GPR158: variants seen among roughly 807,000 people sequenced by gnomAD.
GPR158 encodes G protein-coupled receptor 158.
GPR158 carries 30 observed loss-of-function variants against 78.2 expected under a neutral mutation model. The ratio of observed to expected loss-of-function variants is 0.38; its 90% CI spans 0.29 to 0.52. GPR158 has a LOEUF of 0.52. Among genes scored for constraint, GPR158 ranks in the 20% least tolerant of loss-of-function variants. The pLI is 0.83. For synonymous variants in GPR158, 581 were observed against 591.1 expected (o/e 0.98, Z 0.25); for missense variants, 1,463 against 1,523.5 (o/e 0.96, Z 0.66).
At position 25,599,363 on chromosome 10, in the gene GPR158, G is replaced by A; in HGVS notation, c.*89G>A. On this transcript the variant is annotated 3_prime_UTR_variant, in exon 11 of 11. Transcript: ENST00000376351. ...AATCAAATATTCCCAAGGAGGATTTGTCAATCAAGGAAAACATGACAGATG... is the reference window on the plus strand; with the variant it reads ...AATCAAATATTCCCAAGGAGGATTTATCAATCAAGGAAAACATGACAGATG... 1 of 1,035,678 alleles carries A rather than the reference G, an allele frequency of 9.7e-7. No individual in the cohort carries two copies. The highest frequency in any genetic ancestry group is 1.4e-6 in the Non-Finnish European group (1 of 714,628). 64.2% of individuals were successfully genotyped at this position (1,035,678 alleles called of 1,614,324 possible).
intron 5 of GPR158, among the ~76,000 whole-genome samples, chr10:25,522,990 C>G (rs1564479076): frequency 6.6e-6 from 1 of 152,106 alleles, no homozygotes; most frequent in Non-Finnish European, 1.5e-5. Context: ...AAGAGCTGAG[C>G]TGAACTGGAG....
At chr10:25,239,518 G>T (rs1279306977) in intron 2 of GPR158, among the ~76,000 whole-genome samples, 1 of 151,602 alleles carries the variant, frequency 6.6e-6, no homozygotes, top group African/African-American at 2.4e-5. Context: ...TGAGGCAGGA[G>T]AGTCACTTAA....
intron 6 of GPR158, among the ~76,000 whole-genome samples, chr10:25,565,329 TGG>T (rs1836915396): frequency 3.3e-5 from 5 of 152,204 alleles, no homozygotes; most frequent in Non-Finnish European, 5.9e-5. Flanking sequence ...TTTTGTGGCC[TGG>T]GACTATCAGA....
chr10:25,433,590 C>T (rs909965854), intron 4 of GPR158, among the ~76,000 whole-genome samples: 41 of 147,876 alleles, frequency 2.8e-4, no homozygotes, highest in Admixed American at 2.4e-3. Flanking sequence ...CGTGCGCGTG[C>T]GCATATATGA....
At chr10:25,486,734 G>A (rs532538308) in intron 5 of GPR158, among the ~76,000 whole-genome samples, 29 of 152,092 alleles carry the variant, frequency 1.9e-4, no homozygotes, top group African/African-American at 5.3e-4. Context: ...ACCATTTGCC[G>A]TAGCTTTTCA....
intron 1 of GPR158, among the ~76,000 whole-genome samples, chr10:25,208,979 G>A (rs138933373): frequency 0.013 from 2,043 of 151,664 alleles, 47 homozygotes; most frequent in African/African-American, 0.047. Flanking sequence ...CTCCCAAGAA[G>A]CTGGGACTAC....
chr10:25,406,675 C>T (rs1436875808), intron 3 of GPR158, among the ~76,000 whole-genome samples: 3 of 152,142 alleles, frequency 2.0e-5, no homozygotes, highest in African/African-American at 2.4e-5. Context: ...TGAGTTACAA[C>T]AATTTAATTA....
chr10:25,303,577 C>T (rs1291264326), intron 2 of GPR158, among the ~76,000 whole-genome samples: 1 of 152,090 alleles, frequency 6.6e-6, no homozygotes, highest in Non-Finnish European at 1.5e-5. Flanking sequence ...TGGCGCAAAC[C>T]GTTAATAAGT....
At chr10:25,357,367 A>G (rs1255847904) in intron 2 of GPR158, among the ~76,000 whole-genome samples, 1 of 152,128 alleles carries the variant, frequency 6.6e-6, no homozygotes, top group Non-Finnish European at 1.5e-5. Context: ...CCCCAAGACG[A>G]TGGGCACAAT....
At chr10:25,295,205 A>G (rs537533815) in intron 2 of GPR158, among the ~76,000 whole-genome samples, 1 of 152,246 alleles carries the variant, frequency 6.6e-6, no homozygotes, top group African/African-American at 2.4e-5. Flanking sequence ...TCTTTCTTCA[A>G]AGTACATCCA....
At chr10:25,544,610 G>A (rs1836636101) in intron 5 of GPR158, among the ~76,000 whole-genome samples, 1 of 151,926 alleles carries the variant, frequency 6.6e-6, no homozygotes, top group Admixed American at 6.6e-5. Context: ...CAGCTTAGTG[G>A]CTTGATTTTC....
chr10:25,279,938 GGCAAAGTTTAAAAGGTA>G (rs1854244127), intron 2 of GPR158, among the ~76,000 whole-genome samples: 10 of 150,486 alleles, frequency 6.6e-5, no homozygotes, highest in Admixed American at 6.6e-4. Flanking sequence ...TTTTGTGCCT[GGCAAAGTTTAAAAGGTA>G]ACCATTAAAA....
At chr10:25,467,822 T>C (rs148195523) in intron 5 of GPR158, among the ~76,000 whole-genome samples, 1 of 152,252 alleles carries the variant, frequency 6.6e-6, no homozygotes, top group East Asian at 1.9e-4. Flanking sequence ...GCTGATTTTA[T>C]TATGTCAGAC....
chr10:25,502,010 G>A (rs946004695), intron 5 of GPR158, among the ~76,000 whole-genome samples: 2 of 151,996 alleles, frequency 1.3e-5, no homozygotes, highest in Non-Finnish European at 2.9e-5. Flanking sequence ...GCTCTATAAC[G>A]CTTCTGCCTC....
intron 7 of GPR158, among the ~76,000 whole-genome samples, chr10:25,584,370 T>C (rs935033009): frequency 1.3e-5 from 2 of 152,248 alleles, no homozygotes; most frequent in East Asian, 1.9e-4. Context: ...TTTAGTTTAA[T>C]TGGTACTTTG....
intron 7 of GPR158, among the ~76,000 whole-genome samples, chr10:25,585,726 C>T (rs1174607291): frequency 6.6e-6 from 1 of 152,190 alleles, no homozygotes; most frequent in Non-Finnish European, 1.5e-5. Flanking sequence ...CGCCTGTAAT[C>T]CCAGCACTTT....
chr10:25,503,345 CCT>C (rs1192867611), intron 5 of GPR158, among the ~76,000 whole-genome samples: 2 of 144,718 alleles, frequency 1.4e-5, no homozygotes, highest in African/African-American at 2.5e-5. Context: ...CCACTGCACT[CCT>C]ATCTGGGACA....
At chr10:25,313,280 G>A (rs1174501389) in intron 2 of GPR158, among the ~76,000 whole-genome samples, 1 of 149,880 alleles carries the variant, frequency 6.7e-6, no homozygotes, top group Non-Finnish European at 1.5e-5. Flanking sequence ...GATAACATTA[G>A]GAGATATACC....
chr10:25,541,920 T>A (rs892936123), intron 5 of GPR158, among the ~76,000 whole-genome samples: 3 of 147,676 alleles, frequency 2.0e-5, no homozygotes, highest in African/African-American at 7.4e-5. Context: ...AATTATAAAT[T>A]ATATTATATA....
Sources: gnomAD v4.1 joint callset for allele counts (sites outside exome capture counted in the v4.1 genomes callset) on GRCh38, gnomAD v4.1.1 for gene constraint, MANE v1.5 for transcripts, NCBI Gene and HGNC (gene_info 2026-07-23, HGNC 2026-07-21) for gene names.